PRKG1: variants seen among roughly 807,000 people sequenced by gnomAD.
The protein encoded by PRKG1 is cGMP-dependent protein kinase 1.
A neutral mutation model predicts 88.1 loss-of-function variants in PRKG1; 35 were observed. The observed-to-expected ratio is 0.40, with a 90% CI of 0.30 to 0.53. PRKG1 has a LOEUF of 0.53. Among genes scored for constraint, PRKG1 ranks in the 20% least tolerant of loss-of-function variants. The pLI is 0.59. For missense variants in PRKG1, 540 were observed against 839.8 expected, an observed-to-expected ratio of 0.64 and a Z score of 4.41; for synonymous variants, 303 against 292.5, an observed-to-expected ratio of 1.04 and a Z score of -0.37.
intron 5 of PRKG1, among the ~76,000 whole-genome samples, chr10:52,008,870 GGTTCAACA>G (rs1267726001): frequency 2.5e-4 from 38 of 152,096 alleles, no homozygotes; most frequent in African/African-American, 8.9e-4. Flanking sequence ...ATGCATGTTT[GGTTCAACA>G]TATGCAAATC....
intron 1 of PRKG1, among the ~76,000 whole-genome samples, chr10:51,019,957 C>A (rs146198809): frequency 6.6e-4 from 100 of 151,966 alleles, no homozygotes; most frequent in African/African-American, 1.9e-3. Flanking sequence ...CTACTTCACA[C>A]CCATTAAAAT....
upstream of PRKG1, among the ~76,000 whole-genome samples, chr10:51,071,031 A>C (rs1843819118): frequency 2.0e-5 from 3 of 152,184 alleles, no homozygotes; most frequent in Admixed American, 6.5e-5. Context: ...AAGGAATCTG[A>C]GGTAGACACT....
intron 8 of PRKG1, among the ~76,000 whole-genome samples, chr10:52,140,417 T>C (rs1837544688): frequency 6.6e-6 from 1 of 152,074 alleles, no homozygotes; most frequent in Admixed American, 6.6e-5. Context: ...CTCAATTTCT[T>C]CACTTCACTC....
chr10:52,072,158 CTTTTTTTTTTT>C (rs60576406), intron 7 of PRKG1, among the ~76,000 whole-genome samples: 7 of 39,564 alleles, frequency 1.8e-4, no homozygotes, highest in African/African-American at 6.7e-4. Context: ...TATTGTTTTG[CTTTTTTTTTTT>C]TTTTTTTTTT....
At chr10:51,604,584 G>A (rs1194676605) in intron 3 of PRKG1, among the ~76,000 whole-genome samples, 2 of 152,226 alleles carry the variant, frequency 1.3e-5, no homozygotes, top group Non-Finnish European at 2.9e-5. Context: ...TCTTAATGCT[G>A]TGTGAGGAGA....
intron 7 of PRKG1, among the ~76,000 whole-genome samples, chr10:52,068,398 A>C (rs908071189): frequency 2.0e-5 from 3 of 152,060 alleles, no homozygotes; most frequent in Admixed American, 2.0e-4. Context: ...TCTTTCCCCT[A>C]ACTTTTGAGT....
At chr10:51,271,356 T>A (rs193041693) in intron 2 of PRKG1, among the ~76,000 whole-genome samples, 1 of 152,276 alleles carries the variant, frequency 6.6e-6, no homozygotes, top group African/African-American at 2.4e-5. Context: ...TAGTTTCCCA[T>A]GGATACAGAG....
At chr10:52,024,656 A>G (rs1845286595) in intron 5 of PRKG1, among the ~76,000 whole-genome samples, 1 of 152,160 alleles carries the variant, frequency 6.6e-6, no homozygotes, top group South Asian at 2.1e-4. Context: ...AAAGGACATG[A>G]ACTCATCCTT....
intron 3 of PRKG1, among the ~76,000 whole-genome samples, chr10:51,684,839 C>A (rs1840945010): frequency 6.6e-6 from 1 of 151,964 alleles, no homozygotes; most frequent in Non-Finnish European, 1.5e-5. Context: ...TGCATTCCAG[C>A]CTGGGTGACA....
intron 5 of PRKG1, among the ~76,000 whole-genome samples, chr10:51,996,897 G>A (rs576117786): frequency 5.3e-5 from 8 of 152,210 alleles, no homozygotes; most frequent in Admixed American, 5.2e-4. Context: ...TGTTCATCAA[G>A]GGATGAATGA....
At chr10:51,189,085 A>C (rs1016892382) in intron 2 of PRKG1, among the ~76,000 whole-genome samples, 1 of 151,768 alleles carries the variant, frequency 6.6e-6, no homozygotes, top group African/African-American at 2.4e-5. Context: ...ATGAGGTGAC[A>C]AGGCCCTTTA....
chr10:51,157,656 G>T (rs1387838468), intron 2 of PRKG1, among the ~76,000 whole-genome samples: 1 of 151,592 alleles, frequency 6.6e-6, no homozygotes, highest in Non-Finnish European at 1.5e-5. Flanking sequence ...TGATTGATTT[G>T]CTTAGAGATA....
At chr10:51,321,446 T>C (rs529594823) in intron 2 of PRKG1, among the ~76,000 whole-genome samples, 1 of 152,312 alleles carries the variant, frequency 6.6e-6, no homozygotes, top group Non-Finnish European at 1.5e-5. Context: ...CTGCAGAACC[T>C]AATTATATTA....
chr10:52,291,062 G>A (rs1039550295), intron 17 of PRKG1, among the ~76,000 whole-genome samples: 3 of 150,920 alleles, frequency 2.0e-5, no homozygotes, highest in Admixed American at 2.0e-4. Flanking sequence ...AGCTGGGATT[G>A]TAGGCAAGTG....
chr10:51,864,410 T>A (rs1840963812), intron 4 of PRKG1, among the ~76,000 whole-genome samples: 1 of 152,220 alleles, frequency 6.6e-6, no homozygotes, highest in Non-Finnish European at 1.5e-5. Flanking sequence ...ATGATAATTT[T>A]AAAAAGTTTG....
rs1837254743 is a variant in PRKG1 at position 51,386,597 on chromosome 10, A to G, written c.479-81126A>G. ...CTCGGCCTTTTTGTGCCGTTCAGGT[A>G]TTTAATTGATTGGATCAAGTCCACC... On this transcript the variant is annotated intron_variant, in intron 2 of 17. Coordinates refer to ENST00000373980, the MANE Select transcript of PRKG1 (RefSeq NM_006258.4). 6.6e-5 allele frequency among the ~76,000 whole-genome samples: 10 copies of G among 152,280 alleles called. No individual in the cohort carries two copies. In the South Asian group the frequency reaches 2.1e-3, roughly 32 times the overall value.
At chr10:51,993,773 C>T (rs1019087407) in intron 5 of PRKG1, among the ~76,000 whole-genome samples, 1 of 152,180 alleles carries the variant, frequency 6.6e-6, no homozygotes, top group Non-Finnish European at 1.5e-5. Context: ...ATTTACATGA[C>T]AATTGTCAGG....
At chr10:51,560,940 T>G (rs775461116) in intron 3 of PRKG1, among the ~76,000 whole-genome samples, 1 of 151,866 alleles carries the variant, frequency 6.6e-6, no homozygotes, top group African/African-American at 2.4e-5. Context: ...CAAGAAACAT[T>G]GTGTGCTTAG....
At chr10:51,168,187 A>T (rs148102169) in intron 2 of PRKG1, among the ~76,000 whole-genome samples, 184 of 152,266 alleles carry the variant, frequency 1.2e-3, no homozygotes, top group African/African-American at 4.4e-3. Context: ...AAGTATTTTC[A>T]TAATAGCACT....
Sources: gnomAD v4.1 joint callset for allele counts (sites outside exome capture counted in the v4.1 genomes callset) on GRCh38, gnomAD v4.1.1 for gene constraint, MANE v1.5 for transcripts, NCBI Gene and HGNC (gene_info 2026-07-23, HGNC 2026-07-21) for gene names.